The following NOM1 variants were observed in gnomAD, a reference collection of about 807,000 sequenced individuals.
NOM1 encodes nucleolar protein with MIF4G domain 1, also known as nucleolar MIF4G domain-containing protein 1.
A neutral mutation model predicts 73.3 loss-of-function variants in NOM1; 58 were observed. That is an observed-to-expected ratio of 0.79 (90% CI 0.64 to 0.99). The LOEUF (loss-of-function observed/expected upper bound fraction) is 0.99. Ranked by LOEUF, NOM1 falls within the 50% of genes least tolerant of loss-of-function variation. The probability of loss-of-function intolerance (pLI) is 0.00; values close to 1 mark genes in which losing one functional copy is unlikely to be tolerated. For missense variants in NOM1, 1,226 were observed against 1,131.9 expected, an observed-to-expected ratio of 1.08 and a Z score of -1.19; for synonymous variants, 487 against 446.8, an observed-to-expected ratio of 1.09 and a Z score of -1.14.
chr7:156,967,538 T>C (rs1177880792), intron 9 of NOM1, among the ~76,000 whole-genome samples: 1 of 146,674 alleles, frequency 6.8e-6, no homozygotes, highest in East Asian at 2.1e-4. Context: ...GACATCTTTT[T>C]TCTTCCCCCC....
chr7:156,957,745 A>G (rs1322513397), intron 3 of NOM1, among the ~76,000 whole-genome samples: 1 of 138,752 alleles, frequency 7.2e-6, no homozygotes, highest in African/African-American at 2.7e-5. Context: ...ACTGCACTCC[A>G]GCCTGGGCGA....
At chr7:156,960,968 CAG>C (rs1398415340) in intron 4 of NOM1, among the ~76,000 whole-genome samples, 2 of 152,116 alleles carry the variant, frequency 1.3e-5, no homozygotes, top group South Asian at 2.1e-4. Context: ...GGTCACCCAT[CAG>C]GGGCACAGGG....
rs751408557 is a variant in NOM1 at position 156,962,220 on chromosome 7, C to T, written c.1702C>T (p.Pro568Ser). The stretch of plus-strand genomic sequence containing the variant: ...CATGCGCAAAATTCCAGGCTATGAC[C>T]CCGAGCCCGTGGAGAAGCTGAGGAA... ...NDMRKIPGYD[P>S]EPVEKLRKLQ... The change falls in exon 5 of 11, where the codon CCC (proline) becomes TCC (serine). Residue 568 changes from proline (P) to serine (S), a missense_variant. Coordinates refer to ENST00000275820, the MANE Select transcript of NOM1 (RefSeq NM_138400.2). The T allele has an allele frequency of 1.9e-6, 3 of 1,613,944 alleles. No individual in the cohort carries two copies. The highest frequency in any genetic ancestry group is 1.1e-5 in the South Asian group (1 of 91,082).
Position 156,954,139 on chromosome 7 carries a change from G to C in NOM1, c.1149G>C (p.Gln383His). Residue 383 changes from glutamine to histidine, a missense_variant, in exon 3 of 11, where the codon CAG (glutamine) becomes CAC (histidine). Coordinates refer to ENST00000275820, the MANE Select transcript of NOM1 (RefSeq NM_138400.2). ...SEPNMASISG[Q>H]LEELYMAHSR... ...CCAACATGGCTTCCATCAGTGGGCA[G>C]CTGGAGGAACTGTACATGGCCCACA... 1 of 1,612,482 alleles carries C rather than the reference G, an allele frequency of 6.2e-7. No individual in the cohort carries two copies. The highest frequency in any genetic ancestry group is 1.1e-5 in the South Asian group (1 of 90,624).
At position 156,951,436 on chromosome 7, in the gene NOM1, T is replaced by C. The variant is rs145586351; in HGVS notation, c.987+712T>C. 3.4e-4 allele frequency among the ~76,000 whole-genome samples: 52 copies of C among 152,304 alleles called. 1 individual carries two copies. The East Asian group carries it at 0.01, about 29-fold the overall frequency. ...TAGGACGTAGCAATCAAGGCATTCA[T>C]GGGCTGTCATCTTGCATATTTTATC... On this transcript the variant is annotated intron_variant, in intron 1 of 10. Coordinates refer to ENST00000275820, the MANE Select transcript of NOM1 (RefSeq NM_138400.2).
chr7:156,967,196 C>A, intron 9 of NOM1, 104 bp downstream of exon 9: 1 of 1,329,052 alleles, frequency 7.5e-7, no homozygotes, highest in South Asian at 1.5e-5. Context: ...TTCTTCGATT[C>A]TGATTCATCT....
intron 3 of NOM1, among the ~76,000 whole-genome samples, chr7:156,956,191 T>TAA (rs1804721504): frequency 1.1e-5 from 1 of 95,044 alleles, no homozygotes; most frequent in Non-Finnish European, 2.3e-5. Flanking sequence ...AGACTCAGTC[T>TAA]CAAAAAAAAA....
intron 9 of NOM1, 125 bp from the exon 10 acceptor site, chr7:156,968,962 C>T: frequency 1.5e-6 from 1 of 645,874 alleles, no homozygotes; most frequent in Non-Finnish European, 2.8e-6. Context: ...GAAATAGCTT[C>T]TTAAATCGGG....
chr7:156,960,044 T>A lies in NOM1; in HGVS notation c.1502T>A (p.Leu501Gln). 11 of 1,614,200 alleles carry A rather than the reference T, an allele frequency of 6.8e-6. No homozygotes were observed. Among genetic ancestry groups the A allele is most frequent in the Non-Finnish European group, 9.3e-6 (11 of 1,180,020 alleles). Residue 501 changes from leucine to glutamine, a missense_variant, in exon 4 of 11, where the codon CTG becomes CAG. Physicochemically the swap from Leu to Gln is moderately radical, Grantham distance 113 (BLOSUM62 -2). Coordinates refer to ENST00000275820, the MANE Select transcript of NOM1 (RefSeq NM_138400.2). ...IGTFTEKDIE[L>Q]ILLMLKNVGF... ...ACTTTCACCGAAAAAGATATTGAAC[T>A]GATCTTGTTAATGCTGAAAAACGTG...
chr7:156,953,782 G>T (rs1269465209), intron 2 of NOM1, among the ~76,000 whole-genome samples: 2 of 152,172 alleles, frequency 1.3e-5, no homozygotes, highest in Admixed American at 6.5e-5. Context: ...GCTGGACCCT[G>T]CCTATGGGAT....
chr7:156,966,249 C>T, intron 7 of NOM1, 21 bp from the exon 8 acceptor site: 3 of 1,612,336 alleles, frequency 1.9e-6, no homozygotes, highest in South Asian at 2.2e-5. Context: ...ATGTTCCAGT[C>T]ATTGCTGTTC....
chr7:156,950,316 C>T lies in NOM1; in HGVS notation c.579C>T (p.Leu193=), dbSNP rs61734927. The change falls in exon 1 of 11, where the codon CTC becomes CTT. Residue 193 remains leucine, a synonymous_variant. Transcript: ENST00000275820. ...AGATCCGAAAGCTGGAGCGTTGCCT[C>T]GGTTTGAACAAGCGCAAAAAGAAGG... ...DREIRKLERC[L]GLNKRKKKDG... The T allele has an allele frequency of 6.2e-7, 1 of 1,614,008 alleles. No individual in the cohort carries two copies. Among genetic ancestry groups the T allele is most frequent in the Admixed American group, 1.7e-5 (1 of 60,024 alleles).
rs779790924 is a variant in NOM1, at chr7:156,954,119, A to C, written c.1129A>C (p.Met377Leu). The C allele has an allele frequency of 6.2e-7, 1 of 1,611,298 alleles. No homozygotes were observed. The highest frequency in any genetic ancestry group is 1.7e-5 in the Admixed American group (1 of 59,190). The stretch of plus-strand genomic sequence containing the variant: ...TCTCTGCAGGTTGAGTGAACCCAAC[A>C]TGGCTTCCATCAGTGGGCAGCTGGA... ...GLLNRLSEPNMASISGQLEEL... is the reference protein window; with the variant it reads ...GLLNRLSEPNLASISGQLEEL... Residue 377 changes from methionine (M) to leucine (L), a missense_variant, in exon 3 of 11, where the codon ATG (methionine) becomes CTG (leucine). Met to Leu is a conservative substitution (Grantham distance 15). Coordinates refer to ENST00000275820, the MANE Select transcript of NOM1 (RefSeq NM_138400.2).
At chr7:156,961,822 A>G (rs4716665) in intron 4 of NOM1, among the ~76,000 whole-genome samples, 110,770 of 151,764 alleles carry the variant, frequency 0.73, 41,394 homozygotes, top group Middle Eastern at 0.88. Flanking sequence ...CCAGGGTGGG[A>G]GCAGGAGCGT....
intron 1 of NOM1, among the ~76,000 whole-genome samples, chr7:156,951,040 G>T (rs949385356): frequency 5.3e-5 from 8 of 152,140 alleles, no homozygotes; most frequent in African/African-American, 1.9e-4. Context: ...ATCTGTTAAG[G>T]CCTCTTTCGA....
In NOM1 at chr7:156,964,181, A is replaced by G; in HGVS notation, c.2033+155A>G. ...TCCGCTCACGCTGTTGGATTCGTGC[A>G]TCTCTGGGTTAGTCGTCATGTTCCT... On this transcript the variant is annotated intron_variant, in intron 7 of 10. Coordinates refer to ENST00000275820, the MANE Select transcript of NOM1 (RefSeq NM_138400.2). 3 of 639,722 alleles carry G rather than the reference A, an allele frequency of 4.7e-6. No homozygotes were observed. The South Asian group carries it at 6.6e-5, about 14-fold the overall frequency. 39.6% of individuals were successfully genotyped at this position (639,722 alleles called of 1,614,324 possible). A position where few individuals can be genotyped will look rare whatever the true frequency, so the allele number is the denominator to read the frequency against.
In NOM1 at chr7:156,972,193, G is replaced by A. The variant is rs3800867; in HGVS notation, c.*2490G>A. The A allele has an allele frequency of 0.52, 78,660 of 152,078 alleles. 20,708 individuals carry two copies. Among genetic ancestry groups the A allele is most frequent in the Middle Eastern group, 0.63 (184 of 294 alleles). The allele number at this position is 152,078 out of a possible 1,614,324, so 9.4% of individuals were successfully genotyped here. ...TTCTGATGCAAGCCCCCAACCTCAC[G>A]GACCAAGAGGATCCCTGGCTGCCTG... On this transcript the variant is annotated 3_prime_UTR_variant, in exon 11 of 11. Coordinates refer to ENST00000275820, the MANE Select transcript of NOM1 (RefSeq NM_138400.2).
Position 156,971,430 on chromosome 7 carries a change from C to T in NOM1, c.*1727C>T, listed in dbSNP as rs1805137316. 1 of 152,210 alleles carries T rather than the reference C, an allele frequency of 6.6e-6. No individual in the cohort carries two copies. The highest frequency in any genetic ancestry group is 2.1e-4 in the South Asian group (1 of 4,834). The allele number at this position is 152,210 out of a possible 1,614,324, so 9.4% of individuals were successfully genotyped here. A position where few individuals can be genotyped will look rare whatever the true frequency, so the allele number is the denominator to read the frequency against. On this transcript the variant is annotated 3_prime_UTR_variant, in exon 11 of 11. Transcript: ENST00000275820. ...AGAGAGACAGGCTCACTCTGTCACC[C>T]AGGCCAGAGTGCAGTGGCACGATCA...
intron 3 of NOM1, among the ~76,000 whole-genome samples, chr7:156,957,810 A>AAC (rs1429957438): frequency 6.6e-6 from 1 of 151,450 alleles, no homozygotes; most frequent in Non-Finnish European, 1.5e-5. Flanking sequence ...AGAAAAAGAA[A>AAC]ATATACATGA....
Sources: allele counts gnomAD v4.1 joint callset (sites outside exome capture counted in the v4.1 genomes callset), GRCh38; gene constraint gnomAD v4.1.1; transcripts MANE v1.5; gene names NCBI Gene and HGNC (gene_info 2026-07-23, HGNC 2026-07-21).